Variants in MAML2 observed in about 807,000 individuals in gnomAD.
MAML2 encodes the protein mastermind-like protein 2.
MAML2 carries 22 observed loss-of-function variants against 96.1 expected under a neutral mutation model. That is an observed-to-expected ratio of 0.23 (90% CI 0.16 to 0.33). The LOEUF (loss-of-function observed/expected upper bound fraction) is 0.33, where lower values mean the gene tolerates loss of function less well. Among genes scored for constraint, MAML2 ranks in the 10% least tolerant of loss-of-function variants. The pLI is 1.00. For missense variants in MAML2, 1,367 were observed against 1,392.4 expected (o/e 0.98, Z 0.29); for synonymous variants, 561 against 521.3 (o/e 1.08, Z -1.04).
chr11:96,113,353 T>A (rs1860166178), intron 1 of MAML2, among the ~76,000 whole-genome samples: 1 of 152,098 alleles, frequency 6.6e-6, no homozygotes, highest in African/African-American at 2.4e-5. Flanking sequence ...ATTTTCAAAT[T>A]CTTTCTTTGA....
At chr11:96,152,925 C>A (rs185095627) in intron 1 of MAML2, among the ~76,000 whole-genome samples, 34 of 152,326 alleles carry the variant, frequency 2.2e-4, no homozygotes, top group African/African-American at 7.7e-4. Context: ...CTCCATCTAT[C>A]TCTCTCAAGG....
chr11:96,143,930 C>T (rs930442133), intron 1 of MAML2, among the ~76,000 whole-genome samples: 1 of 152,198 alleles, frequency 6.6e-6, no homozygotes, highest in Non-Finnish European at 1.5e-5. Flanking sequence ...CATAATTACA[C>T]ATTTTATTTC....
chr11:96,302,214 AAAG>A (rs1302271951), intron 1 of MAML2, among the ~76,000 whole-genome samples: 2 of 151,942 alleles, frequency 1.3e-5, no homozygotes, highest in African/African-American at 2.4e-5. Flanking sequence ...GCAGTAATAT[AAAG>A]AAGAATGTTT....
chr11:96,266,085 T>C (rs1862821216), intron 1 of MAML2, among the ~76,000 whole-genome samples: 1 of 152,134 alleles, frequency 6.6e-6, no homozygotes, highest in East Asian at 1.9e-4. Flanking sequence ...CATTCACCCC[T>C]AGACACTGCC....
rs1157114889 is a variant in MAML2 at position 95,978,495 on chromosome 11, T to C, written c.*453A>G. The C allele has an allele frequency of 2.4e-5, 5 of 207,752 alleles. No homozygotes were observed. The East Asian group carries it at 3.0e-4, about 12-fold the overall frequency. 12.9% of individuals were successfully genotyped at this position (207,752 alleles called of 1,614,324 possible). A position where few individuals can be genotyped will look rare whatever the true frequency, so the allele number is the denominator to read the frequency against. Reference sequence around the variant, plus strand: ...TCCTGCAAGCTTCAGGAAAATTAAATGAAAAGACACAATGGAAAGATTAAA... The same window carrying C: ...TCCTGCAAGCTTCAGGAAAATTAAACGAAAAGACACAATGGAAAGATTAAA... On this transcript the variant is annotated 3_prime_UTR_variant, in exon 5 of 5. Transcript: ENST00000524717.
chr11:96,267,759 G>A (rs1565267637), intron 1 of MAML2, among the ~76,000 whole-genome samples: 2 of 152,210 alleles, frequency 1.3e-5, no homozygotes, highest in African/African-American at 2.4e-5. Context: ...CTGAGACTGT[G>A]AGTAGAGTCT....
At chr11:96,199,596 G>T (rs908094054) in intron 1 of MAML2, among the ~76,000 whole-genome samples, 9 of 151,716 alleles carry the variant, frequency 5.9e-5, no homozygotes, top group African/African-American at 2.2e-4. Flanking sequence ...ATGTGTCCTG[G>T]GAATGTGTGC....
At chr11:96,255,853 T>C (rs1026253199) in intron 1 of MAML2, among the ~76,000 whole-genome samples, 38 of 146,180 alleles carry the variant, frequency 2.6e-4, no homozygotes, top group Non-Finnish European at 5.2e-4. Flanking sequence ...GGAGATAATT[T>C]CCCCCCACCG....
At chr11:96,026,611 G>C (rs535858462) in intron 2 of MAML2, among the ~76,000 whole-genome samples, 16 of 152,184 alleles carry the variant, frequency 1.1e-4, no homozygotes, top group African/African-American at 3.9e-4. Flanking sequence ...CCTCTCTACA[G>C]GGTTTCCTTT....
chr11:96,103,656 C>T (rs565819401), intron 1 of MAML2, among the ~76,000 whole-genome samples: 1 of 152,270 alleles, frequency 6.6e-6, no homozygotes, highest in East Asian at 1.9e-4. Flanking sequence ...GTATGAAAGG[C>T]CCCTATCCTG....
chr11:96,324,274 G>A (rs1565284329), intron 1 of MAML2, among the ~76,000 whole-genome samples: 1 of 152,146 alleles, frequency 6.6e-6, no homozygotes, highest in Non-Finnish European at 1.5e-5. Context: ...TTCCTCACTT[G>A]CCAAATGGGA....
chr11:96,079,111 T>G (rs1281310217), intron 2 of MAML2, among the ~76,000 whole-genome samples: 1 of 152,192 alleles, frequency 6.6e-6, no homozygotes, highest in Non-Finnish European at 1.5e-5. Context: ...CAACATATTT[T>G]CAGTTGTAAC....
intron 2 of MAML2, among the ~76,000 whole-genome samples, chr11:96,040,312 G>C (rs941991014): frequency 6.6e-6 from 1 of 152,264 alleles, no homozygotes; most frequent in African/African-American, 2.4e-5. Context: ...GAGATGAAAA[G>C]TGTTGGGGTA....
chr11:95,996,847 A>G (rs943057275), intron 2 of MAML2, among the ~76,000 whole-genome samples: 3 of 152,172 alleles, frequency 2.0e-5, no homozygotes, highest in African/African-American at 4.8e-5. Flanking sequence ...AATTCAACCC[A>G]TGTAGAACTT....
chr11:96,286,019 G>A (rs1378251383), intron 1 of MAML2, among the ~76,000 whole-genome samples: 1 of 152,160 alleles, frequency 6.6e-6, no homozygotes, highest in Non-Finnish European at 1.5e-5. Flanking sequence ...AAAGATACAT[G>A]CATGCGTATG....
chr11:96,221,193 T>A (rs1862132264), intron 1 of MAML2, among the ~76,000 whole-genome samples: 1 of 152,224 alleles, frequency 6.6e-6, no homozygotes. Context: ...GAAGTTTGGG[T>A]GACAGAGTTT....
At chr11:96,159,167 G>A (rs1861058039) in intron 1 of MAML2, among the ~76,000 whole-genome samples, 1 of 152,162 alleles carries the variant, frequency 6.6e-6, no homozygotes, top group African/African-American at 2.4e-5. Flanking sequence ...TCAGTGGTCA[G>A]TTTTTACTTA....
intron 1 of MAML2, among the ~76,000 whole-genome samples, chr11:96,198,578 G>A (rs1861764580): frequency 6.6e-6 from 1 of 152,134 alleles, no homozygotes; most frequent in African/African-American, 2.4e-5. Flanking sequence ...TGGTTCACAT[G>A]TATCTATTTT....
In MAML2 at chr11:95,979,822, T is replaced by C; in HGVS notation, c.2597A>G (p.Asn866Ser). Residue 866 changes from asparagine to serine, a missense_variant, in exon 5 of 5, where the codon AAT becomes AGT. By Grantham distance (46) the Asn-to-Ser change is conservative. Coordinates refer to ENST00000524717, the MANE Select transcript of MAML2 (RefSeq NM_032427.4). ...AGGCAGATTTCCATACATCCCCATATTCTGAACTGCTGTAGATAATGATGG... is the reference window on the plus strand; with the variant it reads ...AGGCAGATTTCCATACATCCCCATACTCTGAACTGCTGTAGATAATGATGG... ...RMPSLSTAVQ[N>S]MGMYGNLPCN... The C allele has an allele frequency of 6.2e-7, 1 of 1,613,982 alleles. No homozygotes were observed. The highest frequency in any genetic ancestry group is 8.5e-7 in the Non-Finnish European group (1 of 1,179,874).
Sources: allele counts gnomAD v4.1 joint callset (sites outside exome capture counted in the v4.1 genomes callset), GRCh38; gene constraint gnomAD v4.1.1; transcripts MANE v1.5; gene names NCBI Gene and HGNC (gene_info 2026-07-23, HGNC 2026-07-21).